AMPH: variants seen among roughly 807,000 people sequenced by gnomAD.
AMPH encodes amphiphysin (Stiff-Mann syndrome with breast cancer 128kD autoantigen).
AMPH carries 49 observed loss-of-function variants against 99.1 expected under a neutral mutation model. The ratio of observed to expected loss-of-function variants is 0.49; its 90% confidence interval spans 0.39 to 0.63. The LOEUF is 0.63. Among genes scored for constraint, AMPH ranks in the 20% least tolerant of loss-of-function variants. The pLI is 0.00. For missense variants in AMPH, 759 were observed against 863.4 expected (o/e 0.88, Z 1.52); for synonymous variants, 314 against 317.3 (o/e 0.99, Z 0.11).
intron 3 of AMPH, among the ~76,000 whole-genome samples, chr7:38,496,305 T>G (rs1017545151): frequency 6.6e-6 from 1 of 152,158 alleles, no homozygotes; most frequent in Admixed American, 6.5e-5. Flanking sequence ...GGAGTATGTA[T>G]AAAAGTCCAC....
At chr7:38,591,476 G>A (rs986745575) in intron 1 of AMPH, among the ~76,000 whole-genome samples, 2 of 151,966 alleles carry the variant, frequency 1.3e-5, no homozygotes, top group Non-Finnish European at 2.9e-5. Context: ...TAGTAAAGAT[G>A]AGGTTTTACC....
intron 17 of AMPH, among the ~76,000 whole-genome samples, chr7:38,409,460 A>C (rs1785151702): frequency 6.6e-6 from 1 of 152,224 alleles, no homozygotes; most frequent in African/African-American, 2.4e-5. Flanking sequence ...AAAACAATTC[A>C]GGTCATAATT....
At chr7:38,423,833 T>A (rs562234277) in intron 15 of AMPH, among the ~76,000 whole-genome samples, 1 of 152,110 alleles carries the variant, frequency 6.6e-6, no homozygotes, top group Non-Finnish European at 1.5e-5. Flanking sequence ...CAAGATATTC[T>A]TACCTACTAA....
In AMPH at chr7:38,403,797, C is replaced by T. The variant is rs139707145; in HGVS notation, c.1399-9583G>A. Among the ~76,000 whole-genome samples the T allele has an allele frequency of 4.1e-3, 629 of 152,338 alleles. 1 individual carries two copies. The highest frequency in any genetic ancestry group is 6.5e-3 in the Non-Finnish European group (440 of 68,032). ...GAAAAGAGGCCATTTCCCACTTCCC[C>T]CACCCACCATTGTGGATGCAGAGCA... On this transcript the variant is annotated intron_variant, in intron 17 of 20. Transcript: ENST00000356264.
At chr7:38,405,740 G>A (rs1784965799) in intron 17 of AMPH, among the ~76,000 whole-genome samples, 1 of 152,078 alleles carries the variant, frequency 6.6e-6, no homozygotes, top group African/African-American at 2.4e-5. Context: ...TACTAGACCT[G>A]AGAAAAGAGA....
intron 1 of AMPH, among the ~76,000 whole-genome samples, chr7:38,630,499 C>A (rs1230408265): frequency 6.6e-6 from 1 of 152,136 alleles, no homozygotes; most frequent in Non-Finnish European, 1.5e-5. Context: ...AACAGAGAAC[C>A]CAATTTGTGC....
chr7:38,545,179 T>C (rs1386006113), intron 1 of AMPH, among the ~76,000 whole-genome samples: 3 of 152,194 alleles, frequency 2.0e-5, no homozygotes, highest in Non-Finnish European at 2.9e-5. Context: ...AAATCATCTT[T>C]ACTGGTGGTT....
At chr7:38,441,853 T>TATATATCATATATATCATATATATC (rs1786561671) in intron 11 of AMPH, among the ~76,000 whole-genome samples, 1 of 91,038 alleles carries the variant, frequency 1.1e-5, no homozygotes, top group African/African-American at 5.4e-5. Flanking sequence ...ATATATATCA[T>TATATATCATATATATCATATATATC]ATATATCATA....
chr7:38,563,163 A>G lies in AMPH; in HGVS notation c.70-28152T>C, dbSNP rs1459601026. 2.0e-5 allele frequency among the ~76,000 whole-genome samples: 3 copies of G among 151,950 alleles called. No individual in the cohort carries two copies. The South Asian group carries it at 6.3e-4, about 32-fold the overall frequency. On this transcript the variant is annotated intron_variant, in intron 1 of 20. Coordinates refer to ENST00000356264, the MANE Select transcript of AMPH (RefSeq NM_001635.4). ...AATGAATGAATGAATGAATGAATGAATGAGTGAATGGATAACTACTTTCCA... is the reference window on the plus strand; with the variant it reads ...AATGAATGAATGAATGAATGAATGAGTGAGTGAATGGATAACTACTTTCCA...
intron 1 of AMPH, among the ~76,000 whole-genome samples, chr7:38,602,411 C>A (rs1217511269): frequency 6.6e-6 from 1 of 152,216 alleles, no homozygotes; most frequent in African/African-American, 2.4e-5. Context: ...ATCGAGCTGT[C>A]GGCAGGGCTG....
intron 5 of AMPH, 78 bp from the exon 6 acceptor site, chr7:38,477,047 C>T: frequency 1.6e-6 from 2 of 1,265,958 alleles, no homozygotes; most frequent in East Asian, 2.3e-5. Flanking sequence ...TGCCAAAATG[C>T]TTTCCTTGGC....
chr7:38,396,670 A>G (rs1471718150), intron 17 of AMPH, among the ~76,000 whole-genome samples: 3 of 152,224 alleles, frequency 2.0e-5, no homozygotes, highest in Non-Finnish European at 4.4e-5. Context: ...CTATAATAAA[A>G]AGTTTATTTT....
chr7:38,466,257 T>C lies in AMPH; in HGVS notation c.591-9A>G. 6.3e-7 allele frequency: 1 copy of C among 1,584,756 alleles called. No individual in the cohort carries two copies. Among genetic ancestry groups the C allele is most frequent in the African/African-American group, 1.4e-5 (1 of 72,432 alleles). ...CATAAAATCCAACTCGTCTGCCATG[T>C]GGAAACACAAAGAGGAAAGAAGAGA... is the stretch of plus-strand genomic sequence containing the variant. On this transcript the variant is annotated splice_polypyrimidine_tract_variant and intron_variant, in intron 7 of 20. Coordinates refer to ENST00000356264, the MANE Select transcript of AMPH (RefSeq NM_001635.4).
chr7:38,535,827 G>T (rs553619505), intron 1 of AMPH, among the ~76,000 whole-genome samples: 1 of 152,152 alleles, frequency 6.6e-6, no homozygotes. Flanking sequence ...GGCGGAGCTC[G>T]GGTGGTAATG....
intron 1 of AMPH, among the ~76,000 whole-genome samples, chr7:38,603,849 T>A (rs577385997): frequency 5.3e-5 from 8 of 152,278 alleles, no homozygotes; most frequent in Admixed American, 3.9e-4. Context: ...CCAGCTAAAC[T>A]GTATTCAGAC....
chr7:38,555,707 T>C (rs1791337964), intron 1 of AMPH, among the ~76,000 whole-genome samples: 1 of 152,218 alleles, frequency 6.6e-6, no homozygotes. Context: ...TTATAAAAAT[T>C]AGATAGATCT....
At chr7:38,587,864 G>C (rs1232132009) in intron 1 of AMPH, among the ~76,000 whole-genome samples, 1 of 151,922 alleles carries the variant, frequency 6.6e-6, no homozygotes, top group Non-Finnish European at 1.5e-5. Flanking sequence ...TGGGTGATCA[G>C]CTAGGCTCCA....
At chr7:38,579,133 C>T (rs138125086) in intron 1 of AMPH, among the ~76,000 whole-genome samples, 16 of 152,352 alleles carry the variant, frequency 1.1e-4, no homozygotes, top group African/African-American at 3.8e-4. Context: ...CAACTCTAAG[C>T]CAACTAAGGA....
chr7:38,422,319 A>G, intron 16 of AMPH, 102 bp downstream of exon 16: 1 of 947,502 alleles, frequency 1.1e-6, no homozygotes, highest in Non-Finnish European at 1.6e-6. Context: ...TCCAGAAACC[A>G]CATTCTGGAT....
Sources: allele counts gnomAD v4.1 joint callset (sites outside exome capture counted in the v4.1 genomes callset), GRCh38; gene constraint gnomAD v4.1.1; transcripts MANE v1.5; gene names NCBI Gene and HGNC (gene_info 2026-07-23, HGNC 2026-07-21).